Variants in ADGRV1 observed in about 807,000 individuals in gnomAD.
The protein encoded by ADGRV1 is adhesion G protein-coupled receptor V1.
Under a neutral mutation model 596.2 loss-of-function variants are expected in ADGRV1, and 359 were observed. The ratio of observed to expected loss-of-function variants is 0.60; its 90% CI spans 0.55 to 0.66. The LOEUF (loss-of-function observed/expected upper bound fraction) is 0.66, where lower values mean the gene tolerates loss of function less well. ADGRV1 is among the 30% of genes least tolerant of loss of function. ADGRV1 has a pLI of 0.00. For missense variants in ADGRV1, 7,274 were observed against 7,575.6 expected (o/e 0.96, Z 1.48); for synonymous variants, 2,681 against 2,679.2 (o/e 1.00, Z -0.02).
intron 87 of ADGRV1, among the ~76,000 whole-genome samples, chr5:91,115,442 A>G (rs1792767285): frequency 6.6e-6 from 1 of 152,244 alleles, no homozygotes; most frequent in African/African-American, 2.4e-5. Flanking sequence ...TCCTAAGAAC[A>G]TCATGATGAG....
chr5:91,068,310 A>C (rs1468063512), intron 85 of ADGRV1, among the ~76,000 whole-genome samples: 1 of 151,786 alleles, frequency 6.6e-6, no homozygotes, highest in Non-Finnish European at 1.5e-5. Flanking sequence ...AAAAACAAAA[A>C]ACAAAAAAAT....
rs1787490036 is a variant in ADGRV1, at chr5:91,062,121, GT to G, written c.18153-10325del. On this transcript the variant is annotated intron_variant, in intron 85 of 89. Coordinates refer to ENST00000405460, the MANE Select transcript of ADGRV1 (RefSeq NM_032119.4). Reference sequence around the variant, plus strand: ...AGAGACCACAGAGTCTCTCATTTGTGTGTTGTTACTTGCATCTGAACCCTCT... The same window carrying G: ...AGAGACCACAGAGTCTCTCATTTGTGGTTGTTACTTGCATCTGAACCCTCT... Among the ~76,000 whole-genome samples the G allele has an allele frequency of 2.0e-5, 3 of 152,148 alleles. No individual in the cohort carries two copies. The South Asian group carries it at 6.2e-4, about 32-fold the overall frequency.
At position 90,841,414 on chromosome 5, in the gene ADGRV1, C is replaced by A. The variant is rs575499913; in HGVS notation, c.17019+429C>A. The stretch of plus-strand genomic sequence containing the variant: ...AAATGCCATGGAATAGAAATTATCA[C>A]CCTCTGCTTGTTCTTTAGTCCTCAC... On this transcript the variant is annotated intron_variant, in intron 78 of 89. Transcript: ENST00000405460. Among the ~76,000 whole-genome samples the A allele has an allele frequency of 5.9e-5, 9 of 152,254 alleles. No individual in the cohort carries two copies. The South Asian group carries it at 1.9e-3, about 32-fold the overall frequency.
chr5:91,041,069 G>A (rs1043557273), intron 85 of ADGRV1, among the ~76,000 whole-genome samples: 1 of 152,182 alleles, frequency 6.6e-6, no homozygotes, highest in Non-Finnish European at 1.5e-5. Flanking sequence ...CATTGTGGAA[G>A]ACAGTGTGGC....
chr5:90,558,987 C>T, intron 1 of ADGRV1, 70 bp downstream of exon 1: 2 of 1,397,386 alleles, frequency 1.4e-6, no homozygotes, highest in Admixed American at 4.5e-5. Context: ...GCATCAGCAC[C>T]TGTTGCTGCA....
intron 10 of ADGRV1, 113 bp downstream of exon 10, chr5:90,635,403 G>A: frequency 2.2e-6 from 2 of 908,716 alleles, no homozygotes; most frequent in African/African-American, 1.7e-5. Flanking sequence ...GCTTCAGCAT[G>A]TACAAGAAGC....
At chr5:90,682,107 C>A (rs1561517137) in intron 27 of ADGRV1, among the ~76,000 whole-genome samples, 2 of 152,052 alleles carry the variant, frequency 1.3e-5, no homozygotes. Flanking sequence ...CTCAGGTGAT[C>A]CACCCGCCTT....
intron 85 of ADGRV1, chr5:91,030,918 G>A: frequency 3.0e-6 from 2 of 663,102 alleles, no homozygotes; most frequent in Non-Finnish European, 4.7e-6. Context: ...AGAAACTGCA[G>A]TCTTGTGATC....
intron 86 of ADGRV1, among the ~76,000 whole-genome samples, chr5:91,088,882 A>G (rs917185926): frequency 2.0e-5 from 3 of 152,214 alleles, no homozygotes; most frequent in Non-Finnish European, 4.4e-5. Flanking sequence ...ATTGGGCACA[A>G]ATCACTTTGA....
intron 83 of ADGRV1, among the ~76,000 whole-genome samples, chr5:90,923,268 G>C (rs1774063150): frequency 6.6e-6 from 1 of 152,038 alleles, no homozygotes; most frequent in Non-Finnish European, 1.5e-5. Flanking sequence ...AAATATTATA[G>C]TAAGGGCTAG....
intron 78 of ADGRV1, among the ~76,000 whole-genome samples, chr5:90,843,104 G>A (rs182090011): frequency 1.3e-4 from 20 of 152,142 alleles, no homozygotes; most frequent in African/African-American, 3.4e-4. Context: ...TAAATGAATC[G>A]TAATTCCTAT....
In ADGRV1 at chr5:90,815,633, A is replaced by C; in HGVS notation, c.16093A>C (p.Asn5365His). ...CTTTTTTTCAGGGAGTGACCTTCAC[A>C]ATGGCATCATAGGATTCAGTGAGGA... Reference protein sequence around the residue: ...MVIITGSDLHNGIIGFSEESQ... With the variant: ...MVIITGSDLHHGIIGFSEESQ... Residue 5365 changes from asparagine (N) to histidine (H), a missense_variant, in exon 75 of 90, where the codon AAT becomes CAT. This residue lies in a region of ADGRV1 where 1,874 missense variants were observed against 1,970.2 expected (regional missense o/e 0.95). Coordinates refer to ENST00000405460, the MANE Select transcript of ADGRV1 (RefSeq NM_032119.4). The C allele has an allele frequency of 6.4e-7, 1 of 1,565,282 alleles. No individual in the cohort carries two copies. Among genetic ancestry groups the C allele is most frequent in the South Asian group, 1.2e-5 (1 of 85,082 alleles).
At chr5:91,101,768 AACACACACACACGTGCGCATGC>A (rs752759537) in intron 86 of ADGRV1, among the ~76,000 whole-genome samples, 107 of 151,842 alleles carry the variant, frequency 7.0e-4, no homozygotes, top group Non-Finnish European at 1.4e-3. Context: ...AGGTTTTTCC[AACACACACACACGTGCGCATGC>A]ACACACACAC....
Position 90,658,250 on chromosome 5 carries a change from T to G in ADGRV1, c.4724T>G (p.Phe1575Cys), listed in dbSNP as rs1170619380. The stretch of plus-strand genomic sequence containing the variant: ...AAAAGTGACAATGCAAATGGCTTGT[T>G]TGGTTTCACAGGAGCTTGTATACCA... Reference protein sequence around the residue: ...IQKSDNANGLFGFTGACIPEI... With the variant: ...IQKSDNANGLCGFTGACIPEI... Residue 1575 changes from phenylalanine (F) to cysteine (C), a missense_variant, in exon 21 of 90, where the codon TTT becomes TGT. This residue lies in a region of ADGRV1 where 3,643 missense variants were observed against 3,809.2 expected (regional missense o/e 0.96). Coordinates refer to ENST00000405460, the MANE Select transcript of ADGRV1 (RefSeq NM_032119.4). 1 of 1,533,438 alleles carries G rather than the reference T, an allele frequency of 6.5e-7. No individual in the cohort carries two copies. The highest frequency in any genetic ancestry group is 2.3e-5 in the East Asian group (1 of 44,246). The allele number at this position is 1,533,438 out of a possible 1,614,324, so 95.0% of individuals were successfully genotyped here.
chr5:90,908,261 A>G (rs1367090768), intron 83 of ADGRV1, among the ~76,000 whole-genome samples: 2 of 152,148 alleles, frequency 1.3e-5, no homozygotes, highest in East Asian at 1.9e-4. Context: ...CATAGTAGGT[A>G]TATATATTTA....
intron 59 of ADGRV1, among the ~76,000 whole-genome samples, chr5:90,765,004 G>A (rs969460075): frequency 5.3e-5 from 8 of 152,248 alleles, no homozygotes; most frequent in Admixed American, 2.0e-4. Context: ...GTGAGGGGAG[G>A]AGAGAAGCAC....
At chr5:90,687,570 C>A (rs1281727829) in intron 29 of ADGRV1, among the ~76,000 whole-genome samples, 4 of 152,082 alleles carry the variant, frequency 2.6e-5, no homozygotes, top group African/African-American at 7.2e-5. Flanking sequence ...AGGAGAATGA[C>A]ATAAAGGGTA....
intron 85 of ADGRV1, among the ~76,000 whole-genome samples, chr5:91,044,928 A>G (rs1307939451): frequency 6.6e-6 from 1 of 152,158 alleles, no homozygotes; most frequent in South Asian, 2.1e-4. Flanking sequence ...TAGTTTCTAA[A>G]GAAATTCAGA....
At chr5:91,085,364 T>C (rs1308189086) in intron 86 of ADGRV1, among the ~76,000 whole-genome samples, 2 of 152,218 alleles carry the variant, frequency 1.3e-5, no homozygotes, top group African/African-American at 4.8e-5. Context: ...TTATTTATTA[T>C]AAGTACTCTT....
Sources: allele counts gnomAD v4.1 joint callset (sites outside exome capture counted in the v4.1 genomes callset), GRCh38; gene constraint gnomAD v4.1.1; regional missense constraint gnomAD v4.1.1; transcripts MANE v1.5; gene names NCBI Gene and HGNC (gene_info 2026-07-23, HGNC 2026-07-21).